Variants in THSD7A observed in about 807,000 individuals in gnomAD.
THSD7A encodes thrombospondin type-1 domain-containing protein 7A.
THSD7A carries 96 observed loss-of-function variants against 231.3 expected under a neutral mutation model. That is an observed-to-expected ratio of 0.41 (90% CI 0.35 to 0.49). The LOEUF (loss-of-function observed/expected upper bound fraction) is 0.49. Among genes scored for constraint, THSD7A ranks in the 20% least tolerant of loss-of-function variants. The probability of loss-of-function intolerance (pLI) is 0.05; values close to 1 mark genes in which losing one functional copy is unlikely to be tolerated. For synonymous variants in THSD7A, 940 were observed against 743.3 expected (o/e 1.26, Z -4.30); for missense variants, 2,290 against 2,070.2 (o/e 1.11, Z -2.06).
intron 11 of THSD7A, among the ~76,000 whole-genome samples, chr7:11,449,053 A>G (rs868287572): frequency 2.0e-5 from 3 of 152,198 alleles, no homozygotes; most frequent in South Asian, 2.1e-4. Flanking sequence ...ATAGCAGTCT[A>G]AGATGGTGGT....
intron 2 of THSD7A, among the ~76,000 whole-genome samples, chr7:11,600,474 A>G (rs1780512544): frequency 6.6e-6 from 1 of 152,164 alleles, no homozygotes; most frequent in African/African-American, 2.4e-5. Context: ...CTTTAATTAA[A>G]GGGATGGTGG....
Position 11,781,039 on chromosome 7 carries a change from T to A in THSD7A, c.190+50718A>T, listed in dbSNP as rs867636672. ...AAAAAAAAAAAAAAAAAAAAAAAAATTTATAGGGAGAATTATGAAGCAATG... is the reference window on the plus strand; with the variant it reads ...AAAAAAAAAAAAAAAAAAAAAAAAAATTATAGGGAGAATTATGAAGCAATG... On this transcript the variant is annotated intron_variant, in intron 1 of 27. Coordinates refer to ENST00000423059, the MANE Select transcript of THSD7A (RefSeq NM_015204.3). Among the ~76,000 whole-genome samples the A allele has an allele frequency of 7.0e-3, 629 of 89,636 alleles. 1 individual carries two copies. Among genetic ancestry groups the A allele is most frequent in the Middle Eastern group, 0.013 (2 of 152 alleles). 58.8% of individuals were successfully genotyped at this position (89,636 alleles called of 152,430 possible). A position where few individuals can be genotyped will look rare whatever the true frequency, so the allele number is the denominator to read the frequency against.
chr7:11,778,307 C>T (rs1021783986), intron 1 of THSD7A, among the ~76,000 whole-genome samples: 1 of 150,458 alleles, frequency 6.6e-6, no homozygotes, highest in Non-Finnish European at 1.5e-5. Context: ...TAAAAAACTT[C>T]CTTCTCACAC....
intron 6 of THSD7A, among the ~76,000 whole-genome samples, chr7:11,515,349 T>C (rs1366932730): frequency 6.6e-6 from 1 of 152,152 alleles, no homozygotes; most frequent in Non-Finnish European, 1.5e-5. Flanking sequence ...GGTGAATTTA[T>C]CCCACTTTTC....
Position 11,401,677 on chromosome 7 carries a change from G to A in THSD7A, c.4411+118C>T, listed in dbSNP as rs186793999. ...TCCGCCCACCTAGGCCTCCCAAAGC[G>A]TTGGGATTACAGGCGTGAGCCACCG... On this transcript the variant is annotated intron_variant, in intron 23 of 27. Transcript: ENST00000423059. The A allele has an allele frequency of 1.8e-3, 1,667 of 912,670 alleles. 20 individuals carry two copies. The African/African-American group carries it at 0.026, about 14-fold the overall frequency. The allele number at this position is 912,670 out of a possible 1,614,324, so 56.5% of individuals were successfully genotyped here.
chr7:11,737,190 C>T (rs780814599), intron 1 of THSD7A, among the ~76,000 whole-genome samples: 2 of 151,972 alleles, frequency 1.3e-5, no homozygotes, highest in Non-Finnish European at 2.9e-5. Context: ...TTTCATTTTG[C>T]TGACATAAGG....
intron 1 of THSD7A, among the ~76,000 whole-genome samples, chr7:11,786,366 A>G (rs1036816001): frequency 6.6e-6 from 1 of 152,124 alleles, no homozygotes; most frequent in Non-Finnish European, 1.5e-5. Context: ...AGATTCTGTC[A>G]TTAAACAAAC....
intron 24 of THSD7A, among the ~76,000 whole-genome samples, chr7:11,382,101 T>G (rs1782539719): frequency 1.3e-5 from 2 of 152,158 alleles, no homozygotes; most frequent in African/African-American, 2.4e-5. Context: ...GGTATTTGGA[T>G]TTGTATAATC....
intron 4 of THSD7A, among the ~76,000 whole-genome samples, chr7:11,587,640 T>A (rs1423990653): frequency 6.6e-6 from 1 of 152,228 alleles, no homozygotes. Context: ...AGATACATTT[T>A]ATTATTTTGG....
chr7:11,673,522 C>T (rs992347694), intron 1 of THSD7A, among the ~76,000 whole-genome samples: 7 of 152,170 alleles, frequency 4.6e-5, no homozygotes, highest in Admixed American at 2.0e-4. Flanking sequence ...AAGGCCCCAT[C>T]ACCATTGCCA....
chr7:11,672,013 A>G (rs1356841915), intron 1 of THSD7A, among the ~76,000 whole-genome samples: 1 of 152,184 alleles, frequency 6.6e-6, no homozygotes, highest in Non-Finnish European at 1.5e-5. Context: ...GTTAACTATT[A>G]TGAGAATGGC....
intron 1 of THSD7A, among the ~76,000 whole-genome samples, chr7:11,748,112 G>C (rs1782370580): frequency 6.6e-6 from 1 of 151,936 alleles, no homozygotes; most frequent in Non-Finnish European, 1.5e-5. Flanking sequence ...CCAGCACAGT[G>C]TCAAGACAAA....
At chr7:11,402,518 A>C (rs1783441131) in intron 22 of THSD7A, among the ~76,000 whole-genome samples, 1 of 152,184 alleles carries the variant, frequency 6.6e-6, no homozygotes, top group African/African-American at 2.4e-5. Context: ...ATTTCCTCTG[A>C]TCTACATCCT....
At chr7:11,625,365 T>A (rs375789811) in intron 2 of THSD7A, among the ~76,000 whole-genome samples, 2 of 152,128 alleles carry the variant, frequency 1.3e-5, no homozygotes. Flanking sequence ...AATGGCTTCT[T>A]GTATTAAGCA....
intron 1 of THSD7A, among the ~76,000 whole-genome samples, chr7:11,678,029 G>C: frequency 6.6e-6 from 1 of 152,156 alleles, no homozygotes; most frequent in Non-Finnish European, 1.5e-5. Flanking sequence ...TTAGAACTCA[G>C]GGTAAGAAAC....
chr7:11,681,252 C>T (rs187409002), intron 1 of THSD7A, among the ~76,000 whole-genome samples: 1 of 151,972 alleles, frequency 6.6e-6, no homozygotes, highest in Admixed American at 6.6e-5. Flanking sequence ...CCTAATGTAG[C>T]TGATGGGTTG....
chr7:11,796,033 C>CAT (rs6149988), intron 1 of THSD7A, among the ~76,000 whole-genome samples: 3,406 of 105,486 alleles, frequency 0.032, 49 homozygotes, highest in Non-Finnish European at 0.039. Flanking sequence ...TTAAATTAGC[C>CAT]ATATATATAT....
chr7:11,521,868 A>G (rs900330121), intron 6 of THSD7A, among the ~76,000 whole-genome samples: 3 of 152,070 alleles, frequency 2.0e-5, no homozygotes, highest in African/African-American at 7.2e-5. Flanking sequence ...ACCATTCAGT[A>G]AAACAATTCA....
intron 14 of THSD7A, 102 bp from the exon 15 acceptor site, chr7:11,426,773 T>C (rs923906797): frequency 3.8e-5 from 49 of 1,278,860 alleles, no homozygotes; most frequent in Non-Finnish European, 5.0e-5. Flanking sequence ...TCAAGTATTA[T>C]TACTTACATG....
Sources: allele counts gnomAD v4.1 joint callset (sites outside exome capture counted in the v4.1 genomes callset), GRCh38; gene constraint gnomAD v4.1.1; transcripts MANE v1.5; gene names NCBI Gene and HGNC (gene_info 2026-07-23, HGNC 2026-07-21).